The following DCLK2 variants were observed in gnomAD, a reference collection of about 807,000 sequenced individuals.
DCLK2 encodes the protein doublecortin like kinase 2.
In DCLK2, 31 loss-of-function variants were observed where a neutral mutation model predicts 78.4. The ratio of observed to expected loss-of-function variants is 0.40; its 90% confidence interval spans 0.30 to 0.53. The LOEUF (loss-of-function observed/expected upper bound fraction) is 0.53, where lower values mean the gene tolerates loss of function less well. Ranked by LOEUF, DCLK2 falls within the 20% of genes least tolerant of loss-of-function variation. The pLI is 0.61. For synonymous variants in DCLK2, 407 were observed against 374.9 expected, an observed-to-expected ratio of 1.09 and a Z score of -0.99; for missense variants, 872 against 973.7, an observed-to-expected ratio of 0.90 and a Z score of 1.39.
chr4:150,235,657 G>A (rs1030077862), intron 10 of DCLK2, among the ~76,000 whole-genome samples: 7 of 152,292 alleles, frequency 4.6e-5, no homozygotes, highest in South Asian at 2.1e-4. Context: ...ATGTGTTTGC[G>A]ATTGAAAACC....
chr4:150,119,039 AATAAT>A (rs59908079), intron 2 of DCLK2, among the ~76,000 whole-genome samples: 51,111 of 115,084 alleles, frequency 0.44, 8,817 homozygotes, highest in African/African-American at 0.48. Context: ...AAATAACAAT[AATAAT>A]ATAATAATAA....
At chr4:150,174,907 A>C (rs1736838465) in intron 2 of DCLK2, among the ~76,000 whole-genome samples, 1 of 145,018 alleles carries the variant, frequency 6.9e-6, no homozygotes, top group Admixed American at 7.1e-5. Flanking sequence ...CTGAGGCAGG[A>C]GAATCACTTG....
intron 5 of DCLK2, among the ~76,000 whole-genome samples, chr4:150,214,224 A>G (rs1740513957): frequency 6.6e-6 from 1 of 152,236 alleles, no homozygotes; most frequent in Admixed American, 6.5e-5. Flanking sequence ...CTTCATCCAC[A>G]GATGTTCTCA....
At chr4:150,136,246 T>G (rs1733673377) in intron 2 of DCLK2, among the ~76,000 whole-genome samples, 1 of 152,184 alleles carries the variant, frequency 6.6e-6, no homozygotes, top group Non-Finnish European at 1.5e-5. Flanking sequence ...TGAAGATATT[T>G]TATTTAAAGG....
intron 2 of DCLK2, among the ~76,000 whole-genome samples, chr4:150,172,463 C>T (rs1028561290): frequency 5.3e-5 from 8 of 151,698 alleles, no homozygotes; most frequent in Admixed American, 2.0e-4. Flanking sequence ...AAAAATTAGC[C>T]GGGCATCATG....
intron 8 of DCLK2, 151 bp from the exon 9 acceptor site, chr4:150,232,186 A>G: frequency 1.1e-6 from 1 of 925,344 alleles, no homozygotes. Flanking sequence ...CTACAGGGAC[A>G]ATTAGGTCAG....
intron 2 of DCLK2, among the ~76,000 whole-genome samples, chr4:150,110,948 A>G (rs889863512): frequency 1.5e-4 from 23 of 152,156 alleles, no homozygotes; most frequent in African/African-American, 5.3e-4. Flanking sequence ...ATAAACATAC[A>G]CATGCAGTGT....
intron 2 of DCLK2, among the ~76,000 whole-genome samples, chr4:150,166,529 C>T (rs546065805): frequency 6.6e-6 from 1 of 152,192 alleles, no homozygotes; most frequent in East Asian, 1.9e-4. Context: ...CGATATTCTA[C>T]TTGTCCCCAG....
At chr4:150,177,793 A>T (rs1381560528) in intron 2 of DCLK2, among the ~76,000 whole-genome samples, 1 of 152,192 alleles carries the variant, frequency 6.6e-6, no homozygotes, top group Non-Finnish European at 1.5e-5. Context: ...ATACCAAATA[A>T]TATTCCTGGT....
Position 150,182,408 on chromosome 4 carries a change from T to C in DCLK2, c.757-10730T>C, listed in dbSNP as rs533945487. 1.6e-4 allele frequency among the ~76,000 whole-genome samples: 25 copies of C among 151,966 alleles called. No individual in the cohort carries two copies. The South Asian group carries it at 2.3e-3, about 14-fold the overall frequency. On this transcript the variant is annotated intron_variant, in intron 2 of 15. Transcript: ENST00000296550. ...GTAGAACTGTTTAAGAAAAATGGAGTGGGAAAGAGTCATGTCTGGAATAAC... is the reference window on the plus strand; with the variant it reads ...GTAGAACTGTTTAAGAAAAATGGAGCGGGAAAGAGTCATGTCTGGAATAAC...
intron 1 of DCLK2, among the ~76,000 whole-genome samples, chr4:150,093,339 A>T (rs1193673564): frequency 2.6e-5 from 4 of 152,236 alleles, no homozygotes; most frequent in African/African-American, 9.6e-5. Flanking sequence ...ACATTTCCCA[A>T]AGTGATTTAC....
chr4:150,228,352 A>G (rs1378359654), intron 8 of DCLK2, among the ~76,000 whole-genome samples: 2 of 151,984 alleles, frequency 1.3e-5, no homozygotes, highest in Non-Finnish European at 2.9e-5. Context: ...CTCTCTCACC[A>G]CTTTCTCCTC....
intron 2 of DCLK2, among the ~76,000 whole-genome samples, chr4:150,161,135 G>A (rs1026581771): frequency 7.2e-5 from 11 of 152,184 alleles, no homozygotes; most frequent in Non-Finnish European, 1.0e-4. Flanking sequence ...GGGACTGAAA[G>A]TTAGTCAATG....
intron 2 of DCLK2, among the ~76,000 whole-genome samples, chr4:150,168,119 G>C (rs10012983): frequency 2.0e-5 from 3 of 151,958 alleles, no homozygotes; most frequent in Admixed American, 2.0e-4. Flanking sequence ...CAAGGCGGGC[G>C]GATCACGAGG....
At chr4:150,220,907 C>A in intron 6 of DCLK2, 129 bp downstream of exon 6, 1 of 670,724 alleles carries the variant, frequency 1.5e-6, no homozygotes, top group Non-Finnish European at 2.5e-6. Flanking sequence ...CCTGTCAGCC[C>A]CTTTGGCCTT....
At chr4:150,246,837 G>A (rs1034149264) in intron 12 of DCLK2, among the ~76,000 whole-genome samples, 2 of 152,154 alleles carry the variant, frequency 1.3e-5, no homozygotes, top group Admixed American at 6.5e-5. Flanking sequence ...TCAGTCAGGC[G>A]CAGGTTGGAG....
intron 15 of DCLK2, among the ~76,000 whole-genome samples, chr4:150,255,532 C>A (rs1744495155): frequency 6.6e-6 from 1 of 152,218 alleles, no homozygotes; most frequent in Non-Finnish European, 1.5e-5. Flanking sequence ...GTGGCTCCAT[C>A]CAATTCCTGG....
intron 2 of DCLK2, among the ~76,000 whole-genome samples, chr4:150,162,659 T>G (rs79291322): frequency 1.3e-5 from 2 of 152,094 alleles, no homozygotes; most frequent in Non-Finnish European, 2.9e-5. Flanking sequence ...TTTATAGAGA[T>G]GCACTCTCAC....
intron 10 of DCLK2, among the ~76,000 whole-genome samples, chr4:150,237,308 C>T (rs924041324): frequency 2.0e-5 from 3 of 152,080 alleles, no homozygotes; most frequent in Admixed American, 6.6e-5. Context: ...AAGACTGTGA[C>T]GTGACTAAGA....
Sources: gnomAD v4.1 joint callset for allele counts (sites outside exome capture counted in the v4.1 genomes callset) on GRCh38, gnomAD v4.1.1 for gene constraint, MANE v1.5 for transcripts, NCBI Gene and HGNC (gene_info 2026-07-23, HGNC 2026-07-21) for gene names.